Variants in KIAA1328 observed in about 807,000 individuals in gnomAD.
The protein encoded by KIAA1328 is protein hinderin.
KIAA1328 carries 52 observed loss-of-function variants against 68.1 expected under a neutral mutation model. The observed-to-expected ratio is 0.76, with a 90% confidence interval of 0.61 to 0.96. The LOEUF (loss-of-function observed/expected upper bound fraction) is 0.96, where lower values mean the gene tolerates loss of function less well. Ranked by LOEUF, KIAA1328 falls within the 40% of genes least tolerant of loss-of-function variation. KIAA1328 has a pLI of 0.00. For synonymous variants in KIAA1328, 232 were observed against 239.4 expected (o/e 0.97, Z 0.28); for missense variants, 641 against 677.6 (o/e 0.95, Z 0.60).
At chr18:37,024,551 C>T (rs1334548888) in intron 6 of KIAA1328, among the ~76,000 whole-genome samples, 5 of 144,714 alleles carry the variant, frequency 3.5e-5, no homozygotes, top group Non-Finnish European at 4.5e-5. Flanking sequence ...CAACCAGCCC[C>T]GGTGTGTGAT....
At chr18:37,196,904 C>A (rs1425366408) in intron 9 of KIAA1328, among the ~76,000 whole-genome samples, 6 of 152,006 alleles carry the variant, frequency 3.9e-5, no homozygotes, top group African/African-American at 1.4e-4. Flanking sequence ...ACATCAGATT[C>A]TTGGCTTTTC....
intron 5 of KIAA1328, among the ~76,000 whole-genome samples, chr18:36,918,678 G>A (rs934305082): frequency 6.6e-6 from 1 of 152,152 alleles, no homozygotes; most frequent in Non-Finnish European, 1.5e-5. Context: ...GCCTCCCAAA[G>A]TGCTGGGATT....
chr18:36,917,076 T>C (rs916478049), intron 5 of KIAA1328, among the ~76,000 whole-genome samples: 2 of 152,200 alleles, frequency 1.3e-5, no homozygotes, highest in Non-Finnish European at 2.9e-5. Flanking sequence ...AAATCCCTGC[T>C]CATAACATCC....
At chr18:37,209,126 G>GT (rs751388423) in intron 9 of KIAA1328, among the ~76,000 whole-genome samples, 3 of 152,170 alleles carry the variant, frequency 2.0e-5, no homozygotes, top group Non-Finnish European at 4.4e-5. Context: ...AATATATTAA[G>GT]TAAAAAAAGT....
intron 4 of KIAA1328, among the ~76,000 whole-genome samples, chr18:36,879,065 A>G (rs1415792364): frequency 6.6e-6 from 1 of 152,092 alleles, no homozygotes; most frequent in Non-Finnish European, 1.5e-5. Flanking sequence ...CTTGCTGGTG[A>G]GGAGTTGTGA....
intron 9 of KIAA1328, among the ~76,000 whole-genome samples, chr18:37,219,029 A>G (rs187462488): frequency 2.0e-5 from 3 of 152,274 alleles, no homozygotes; most frequent in East Asian, 1.9e-4. Context: ...TGTTGATGCT[A>G]TTCCTTTCTG....
chr18:36,915,664 AC>A (rs2049666026), intron 5 of KIAA1328, among the ~76,000 whole-genome samples: 1 of 152,208 alleles, frequency 6.6e-6, no homozygotes, highest in South Asian at 2.1e-4. Flanking sequence ...AAAGTAAAAA[AC>A]AATATTGACA....
At chr18:37,143,508 CCTTTTTTTCTTT>C (rs2058820518) in intron 7 of KIAA1328, among the ~76,000 whole-genome samples, 1 of 134,782 alleles carries the variant, frequency 7.4e-6, no homozygotes, top group East Asian at 2.1e-4. Flanking sequence ...AAGCTTTATG[CCTTTTTTTCTTT>C]CTTTTTTTTT....
intron 6 of KIAA1328, among the ~76,000 whole-genome samples, chr18:36,978,362 T>C (rs1240655612): frequency 6.6e-6 from 1 of 152,218 alleles, no homozygotes; most frequent in Non-Finnish European, 1.5e-5. Context: ...ATGAACCAAG[T>C]TGTTTGTATA....
At chr18:36,964,426 T>A (rs1490285509) in intron 6 of KIAA1328, among the ~76,000 whole-genome samples, 1 of 152,226 alleles carries the variant, frequency 6.6e-6, no homozygotes, top group Non-Finnish European at 1.5e-5. Flanking sequence ...TTTCTGTTTC[T>A]TGTTTGTATT....
At chr18:36,852,708 A>G (rs933597597) in intron 4 of KIAA1328, among the ~76,000 whole-genome samples, 5 of 152,026 alleles carry the variant, frequency 3.3e-5, no homozygotes, top group Non-Finnish European at 5.9e-5. Flanking sequence ...GTTTTTTGTT[A>G]TCATTTCTAT....
chr18:37,066,932 C>A lies in KIAA1328; in HGVS notation c.619C>A (p.Leu207Met). ...CACTCTCCAGTGTTCATCTGTGGAA[C>A]TGGATGGTTCCTACTTGAGCATAGC... ...KSTLQCSSVE[L>M]DGSYLSIARP... The change falls in exon 7 of 10, where the codon CTG becomes ATG. Residue 207 changes from leucine (L) to methionine (M), a missense_variant. By Grantham distance (15) the Leu-to-Met change is conservative. Coordinates refer to ENST00000280020, the MANE Select transcript of KIAA1328 (RefSeq NM_020776.3). 1.2e-6 allele frequency: 2 copies of A among 1,608,922 alleles called. No homozygotes were observed. Among genetic ancestry groups the A allele is most frequent in the Non-Finnish European group, 8.5e-7 (1 of 1,177,362 alleles).
intron 5 of KIAA1328, among the ~76,000 whole-genome samples, chr18:36,929,805 C>T (rs573752405): frequency 1.3e-5 from 2 of 152,126 alleles, no homozygotes; most frequent in African/African-American, 4.8e-5. Context: ...CATGCTGGCA[C>T]CCTGATCCTG....
chr18:37,050,200 A>C lies in KIAA1328; in HGVS notation c.577-16690A>C, dbSNP rs1033257340. On this transcript the variant is annotated intron_variant, in intron 6 of 9. Coordinates refer to ENST00000280020, the MANE Select transcript of KIAA1328 (RefSeq NM_020776.3). ...TTGGTAGCCTCAGGATACTCTCTAC[A>C]AACCAAACCAAGAGGGTGGCACCAA... 2.0e-5 allele frequency among the ~76,000 whole-genome samples: 3 copies of C among 151,828 alleles called. No homozygotes were observed. In the South Asian group the frequency reaches 6.2e-4, roughly 31 times the overall value.
At chr18:36,955,130 G>A (rs985852779) in intron 5 of KIAA1328, among the ~76,000 whole-genome samples, 1 of 127,064 alleles carries the variant, frequency 7.9e-6, no homozygotes, top group Non-Finnish European at 1.7e-5. Context: ...TCCCCTTAAG[G>A]CTATCTCCTA....
chr18:37,186,756 A>G (rs931776523), intron 9 of KIAA1328, among the ~76,000 whole-genome samples: 11 of 152,126 alleles, frequency 7.2e-5, no homozygotes, highest in African/African-American at 2.7e-4. Context: ...GAAAGATTCC[A>G]AGTTGGTTTT....
intron 5 of KIAA1328, among the ~76,000 whole-genome samples, chr18:36,913,852 G>C (rs1414219366): frequency 6.6e-6 from 1 of 152,086 alleles, no homozygotes; most frequent in Non-Finnish European, 1.5e-5. Context: ...TCTGAAGAAG[G>C]GTCACCATCA....
At chr18:37,114,936 A>T (rs1399738442) in intron 7 of KIAA1328, among the ~76,000 whole-genome samples, 1 of 152,240 alleles carries the variant, frequency 6.6e-6, no homozygotes, top group East Asian at 1.9e-4. Flanking sequence ...AAATTGCTCA[A>T]CACATACAGC....
chr18:37,135,239 C>A lies in KIAA1328; in HGVS notation c.1233-24961C>A, dbSNP rs541201549. Among the ~76,000 whole-genome samples the A allele has an allele frequency of 5.3e-4, 81 of 152,222 alleles. No homozygotes were observed. The South Asian group carries it at 0.016, about 31-fold the overall frequency. On this transcript the variant is annotated intron_variant, in intron 7 of 9. Transcript: ENST00000280020. ...CTAATAGTGGGATTGCTGGGTCGAA[C>A]GGTAGTGCTGTTTTAAGTTCTTTGA... is the stretch of plus-strand genomic sequence containing the variant.
Sources: allele counts gnomAD v4.1 joint callset (sites outside exome capture counted in the v4.1 genomes callset), GRCh38; gene constraint gnomAD v4.1.1; transcripts MANE v1.5; gene names NCBI Gene and HGNC (gene_info 2026-07-23, HGNC 2026-07-21).